NADSYN1: variants seen among roughly 807,000 people sequenced by gnomAD.
The protein encoded by NADSYN1 is NAD synthetase 1.
In NADSYN1, 80 loss-of-function variants were observed where a neutral mutation model predicts 99.3. The ratio of observed to expected loss-of-function variants is 0.81; its 90% confidence interval spans 0.67 to 0.97. NADSYN1 has a LOEUF of 0.97. NADSYN1 is among the 50% of genes least tolerant of loss of function. NADSYN1 has a pLI of 0.00. For missense variants in NADSYN1, 859 were observed against 948.5 expected, an observed-to-expected ratio of 0.91 and a Z score of 1.24; for synonymous variants, 385 against 372.1, an observed-to-expected ratio of 1.03 and a Z score of -0.40.
chr11:71,471,254 C>T (rs916386726), intron 5 of NADSYN1, among the ~76,000 whole-genome samples: 3 of 152,278 alleles, frequency 2.0e-5, no homozygotes, highest in Middle Eastern at 6.8e-3. Context: ...AGCAACTGTA[C>T]ATTTTGGTTC....
In NADSYN1 at chr11:71,484,352, G is replaced by A. The variant is rs148415329; in HGVS notation, c.1360G>A (p.Val454Ile). 1,713 of 1,614,226 alleles carry A rather than the reference G, an allele frequency of 1.1e-3. 24 individuals are homozygous for A. In the South Asian group the frequency reaches 0.017, roughly 16 times the overall value. Residue 454 changes from valine (V) to isoleucine (I), a missense_variant, in exon 15 of 21, where the codon GTC (valine) becomes ATC (isoleucine). By Grantham distance (29) the Val-to-Ile change is conservative (BLOSUM62 3). Coordinates refer to ENST00000319023, the MANE Select transcript of NADSYN1 (RefSeq NM_018161.5). Reference sequence around the variant, plus strand: ...CAACATCGATCCAGCCGTGAAGGCCGTCATGGGCATCTTCAGCCTGGTGAC... The same window carrying A: ...CAACATCGATCCAGCCGTGAAGGCCATCATGGGCATCTTCAGCCTGGTGAC... ...SLNIDPAVKA[V>I]MGIFSLVTGK...
intron 3 of NADSYN1, among the ~76,000 whole-genome samples, chr11:71,459,303 GCTGTGCTGGCGT>G (rs1362423113): frequency 4.6e-4 from 67 of 146,854 alleles, no homozygotes; most frequent in Non-Finnish European, 7.5e-4. Context: ...CTCTGTGTGC[GCTGTGCTGGCGT>G]CTGTGCTGTC....
chr11:71,455,798 C>G (rs1240253619), intron 2 of NADSYN1, among the ~76,000 whole-genome samples: 1 of 152,170 alleles, frequency 6.6e-6, no homozygotes, highest in Non-Finnish European at 1.5e-5. Context: ...GCTGAAGGAC[C>G]AAGACATATT....
chr11:71,474,473 G>T lies in NADSYN1; in HGVS notation c.745G>T (p.Ala249Ser), dbSNP rs1321466644. 1 of 1,614,182 alleles carries T rather than the reference G, an allele frequency of 6.2e-7. No homozygotes were observed. The highest frequency in any genetic ancestry group is 8.5e-7 in the Non-Finnish European group (1 of 1,179,992). The change falls in exon 9 of 21, where the codon GCC (alanine) becomes TCC (serine). Residue 249 changes from alanine to serine, a missense_variant. By Grantham distance (99) the Ala-to-Ser change is moderately conservative (BLOSUM62 1). Coordinates refer to ENST00000319023, the MANE Select transcript of NADSYN1 (RefSeq NM_018161.5). Reference protein sequence around the residue: ...RLYYDGCAMIAMNGSVFAQGS... With the variant: ...RLYYDGCAMISMNGSVFAQGS... ...GTACTACGACGGCTGTGCCATGATT[G>T]CCATGAACGGAAGCGTCTTTGCTCA...
rs759511153 is a variant in NADSYN1, at chr11:71,473,672, A to G, written c.652A>G (p.Met218Val). 5.7e-5 allele frequency: 92 copies of G among 1,611,778 alleles called. No homozygotes were observed. Among genetic ancestry groups the G allele is most frequent in the Admixed American group, 8.3e-5 (5 of 59,950 alleles). The change falls in exon 8 of 21, where the codon ATG (methionine) becomes GTG (valine). Residue 218 changes from methionine (M) to valine (V), a missense_variant. Transcript: ENST00000319023. ...CAACACCAGGGTGGATCTCGTGACT[A>G]TGGTCACCAGCAAGGTAGGGGCTGG... ...KANTRVDLVT[M>V]VTSKNGGIYL...
intron 11 of NADSYN1, 100 bp downstream of exon 11, chr11:71,480,979 C>A: frequency 6.6e-7 from 1 of 1,509,490 alleles, no homozygotes; most frequent in Non-Finnish European, 9.0e-7. Flanking sequence ...TCAGAACCTG[C>A]CTGGGTGGGG....
rs1392537202 is a variant in NADSYN1 at position 71,490,789 on chromosome 11, G to T, written c.1563-56G>T. ...AGAAGCGACTCCCTGGCTGGCCAGG[G>T]TTGATGGAGTCTGCGGCCCCTTGGG... On this transcript the variant is annotated intron_variant, in intron 16 of 20. Transcript: ENST00000319023. The T allele has an allele frequency of 2.5e-6, 4 of 1,602,172 alleles. No homozygotes were observed. The East Asian group carries it at 8.9e-5, about 36-fold the overall frequency.
rs1350297243 is a variant in NADSYN1 at position 71,485,600 on chromosome 11, G to T, written c.1514G>T (p.Gly505Val). ...GCTCAGTTGAGCCTCTGGTCTCGGGGTGTCCACGGTGGGCTCCTCGTGCTG... is the reference window on the plus strand; with the variant it reads ...GCTCAGTTGAGCCTCTGGTCTCGGGTTGTCCACGGTGGGCTCCTCGTGCTG... ...LFAQLSLWSR[G>V]VHGGLLVLGS... Residue 505 changes from glycine (G) to valine (V), a missense_variant, in exon 16 of 21, where the codon GGT (glycine) becomes GTT (valine). Physicochemically the swap from Gly to Val is moderately radical, Grantham distance 109. Coordinates refer to ENST00000319023, the MANE Select transcript of NADSYN1 (RefSeq NM_018161.5). 7 of 1,562,218 alleles carry T rather than the reference G, an allele frequency of 4.5e-6. No homozygotes were observed. Among genetic ancestry groups the T allele is most frequent in the Admixed American group, 3.8e-5 (2 of 51,986 alleles).
intron 9 of NADSYN1, chr11:71,477,498 T>C (rs1162907516): frequency 1.6e-5 from 20 of 1,253,786 alleles, no homozygotes; most frequent in Non-Finnish European, 1.9e-5. Context: ...ACGGCCATCC[T>C]GTGAACCGCC....
At chr11:71,501,251 C>T in intron 20 of NADSYN1, 51 bp from the exon 21 acceptor site, 1 of 1,469,526 alleles carries the variant, frequency 6.8e-7, no homozygotes, top group Non-Finnish European at 9.1e-7. Flanking sequence ...GTTTCAACAG[C>T]CCCACAGTCC....
chr11:71,460,336 C>T (rs1591121872), intron 3 of NADSYN1: 2 of 152,038 alleles, frequency 1.3e-5, no homozygotes, highest in Admixed American at 6.6e-5. Flanking sequence ...ATTAGGTTTT[C>T]TTTTTTTTGT....
intron 9 of NADSYN1, chr11:71,476,898 G>A (rs570200246): frequency 1.8e-5 from 18 of 987,002 alleles, no homozygotes; most frequent in Admixed American, 1.2e-4. Flanking sequence ...ATTAGAATCC[G>A]GGAGCCGTTG....
chr11:71,487,028 C>G lies in NADSYN1; in HGVS notation c.1562+1380C>G, dbSNP rs192720034. Among the ~76,000 whole-genome samples, 27 of 152,076 alleles carry G rather than the reference C, an allele frequency of 1.8e-4. No homozygotes were observed. In the South Asian group the frequency reaches 1.9e-3, roughly 11 times the overall value. On this transcript the variant is annotated intron_variant, in intron 16 of 20. Coordinates refer to ENST00000319023, the MANE Select transcript of NADSYN1 (RefSeq NM_018161.5). ...TCACCGTGTTAGCCAGGATGGTCTCCATCTCCTGACCTCGTGATCCGCCCA... is the reference window on the plus strand; with the variant it reads ...TCACCGTGTTAGCCAGGATGGTCTCGATCTCCTGACCTCGTGATCCGCCCA...
intron 20 of NADSYN1, 149 bp from the exon 21 acceptor site, chr11:71,501,153 C>T: frequency 1.4e-6 from 1 of 694,940 alleles, no homozygotes; most frequent in Non-Finnish European, 2.3e-6. Flanking sequence ...CAGGCTTTTC[C>T]AGCACACACG....
rs778702690 is a variant in NADSYN1 at position 71,484,430 on chromosome 11, G to C, written c.1438G>C (p.Ala480Pro). ...AHGGSSRENL[A>P]LQNVQARIRM... ...TGGAGGAAGCAGCAGGGAAAACCTG[G>C]CGCTGCAAAATGTGCAGGTGCCCCC... Residue 480 changes from alanine (A) to proline (P), a missense_variant, in exon 15 of 21, where the codon GCG becomes CCG. By Grantham distance (27) the Ala-to-Pro change is conservative. Transcript: ENST00000319023. The C allele has an allele frequency of 1.9e-6, 3 of 1,613,950 alleles. No individual in the cohort carries two copies. Among genetic ancestry groups the C allele is most frequent in the Non-Finnish European group, 2.5e-6 (3 of 1,179,920 alleles).
In NADSYN1 at chr11:71,480,811, C is replaced by T. The variant is rs771867077; in HGVS notation, c.930C>T (p.His310=). The change falls in exon 11 of 21, where the codon CAC becomes CAT. Residue 310 remains histidine, a synonymous_variant. Transcript: ENST00000319023. ...RVKVDFALSC[H]EDLLAPISEP... ...AGGTGGACTTTGCCCTCTCGTGCCA[C>T]GAGGACTTGCTGGCACCCATCTCTG... 9.3e-6 allele frequency: 15 copies of T among 1,614,040 alleles called. No individual in the cohort carries two copies. Among genetic ancestry groups the T allele is most frequent in the Middle Eastern group, 3.3e-4 (2 of 6,084 alleles).
At chr11:71,481,603 C>T in intron 12 of NADSYN1, 199 bp downstream of exon 12, 1 of 623,636 alleles carries the variant, frequency 1.6e-6, no homozygotes, top group East Asian at 2.7e-5. Flanking sequence ...GTCAGCTCCA[C>T]CTTTGGAGGC....
Position 71,497,627 on chromosome 11 carries a change from C to T in NADSYN1, c.1893+16C>T, listed in dbSNP as rs764872170. ...CCCGAGACAGGTAAAGCCTGTGAGA[C>T]GCATCACAGAGGGAGGCCAGTTAGG... is the stretch of plus-strand genomic sequence containing the variant. On this transcript the variant is annotated intron_variant, in intron 19 of 20. Transcript: ENST00000319023. 19 of 1,613,708 alleles carry T rather than the reference C, an allele frequency of 1.2e-5. No individual in the cohort carries two copies. Among genetic ancestry groups the T allele is most frequent in the African/African-American group, 4.0e-5 (3 of 74,892 alleles).
Position 71,453,292 on chromosome 11 carries a change from C to T in NADSYN1, c.-5C>T, listed in dbSNP as rs538275871. ...TGGCCTCCTGCCCAAGCGACTGCGG[C>T]CAGGATGGGCCGGAAGGTGACCGTG... On this transcript the variant is annotated 5_prime_UTR_variant, in exon 1 of 21. Transcript: ENST00000319023. 1 of 1,613,066 alleles carries T rather than the reference C, an allele frequency of 6.2e-7. No homozygotes were observed. The highest frequency in any genetic ancestry group is 2.2e-5 in the East Asian group (1 of 44,814).
Sources: gnomAD v4.1 joint callset for allele counts (sites outside exome capture counted in the v4.1 genomes callset) on GRCh38, gnomAD v4.1.1 for gene constraint, MANE v1.5 for transcripts, NCBI Gene and HGNC (gene_info 2026-07-23, HGNC 2026-07-21) for gene names.